Variants in CNTN4 observed in about 807,000 individuals in gnomAD.
CNTN4 encodes contactin 4.
In CNTN4, 77 loss-of-function variants were observed where a neutral mutation model predicts 122.5. The ratio of observed to expected loss-of-function variants is 0.63; its 90% confidence interval spans 0.52 to 0.76. The LOEUF (loss-of-function observed/expected upper bound fraction) is 0.76, where lower values mean the gene tolerates loss of function less well. Ranked by LOEUF, CNTN4 falls within the 30% of genes least tolerant of loss-of-function variation. The pLI is 0.00. For synonymous variants in CNTN4, 512 were observed against 447.0 expected (o/e 1.15, Z -1.83); for missense variants, 1,256 against 1,259.1 (o/e 1.00, Z 0.04).
rs552127640 is a variant in CNTN4 at position 2,805,996 on chromosome 3, G to T, written c.359-13490G>T. ...GGCTCACTGCAAGCTCCATCTCCCGGGTTCACGCCATTCTCCTGCCTCAGC... is the reference window on the plus strand; with the variant it reads ...GGCTCACTGCAAGCTCCATCTCCCGTGTTCACGCCATTCTCCTGCCTCAGC... On this transcript the variant is annotated intron_variant, in intron 6 of 24. Transcript: ENST00000418658. 3.5e-3 allele frequency among the ~76,000 whole-genome samples: 536 copies of T among 152,164 alleles called. 2 individuals carry two copies. Among genetic ancestry groups the T allele is most frequent in the African/African-American group, 0.012 (507 of 41,506 alleles).
At chr3:2,157,557 C>G (rs917836140) in intron 2 of CNTN4, among the ~76,000 whole-genome samples, 2 of 152,140 alleles carry the variant, frequency 1.3e-5, no homozygotes, top group African/African-American at 4.8e-5. Context: ...CAAAATCTCA[C>G]TTTACTGTTA....
rs116293464 is a variant in CNTN4 at position 2,645,078 on chromosome 3, C to T, written c.55+73520C>T. Among the ~76,000 whole-genome samples the T allele has an allele frequency of 8.3e-3, 1,260 of 152,000 alleles. 22 individuals carry two copies. Among genetic ancestry groups the T allele is most frequent in the African/African-American group, 0.029 (1,194 of 41,450 alleles). ...GATTGGAGAGCTACAGCCAAATTAACGAAGACTGGCACACCTTACCTATCT... is the reference window on the plus strand; with the variant it reads ...GATTGGAGAGCTACAGCCAAATTAATGAAGACTGGCACACCTTACCTATCT... On this transcript the variant is annotated intron_variant, in intron 4 of 24. Coordinates refer to ENST00000418658, the MANE Select transcript of CNTN4 (RefSeq NM_175607.3).
At chr3:2,298,553 T>G (rs1432615950) in intron 2 of CNTN4, among the ~76,000 whole-genome samples, 1 of 152,220 alleles carries the variant, frequency 6.6e-6, no homozygotes, top group Admixed American at 6.5e-5. Flanking sequence ...TCTCCGTCCA[T>G]ATATCTCTCC....
At chr3:2,320,036 G>T (rs1454010537) in intron 2 of CNTN4, among the ~76,000 whole-genome samples, 1 of 152,158 alleles carries the variant, frequency 6.6e-6, no homozygotes, top group Non-Finnish European at 1.5e-5. Context: ...CAATCTGTCA[G>T]AGTTGGAGAA....
chr3:3,050,078 C>G (rs547870859), intron 23 of CNTN4, among the ~76,000 whole-genome samples: 1 of 152,258 alleles, frequency 6.6e-6, no homozygotes, highest in South Asian at 2.1e-4. Context: ...CTAATTCCAT[C>G]TGTGAGGGTG....
chr3:2,171,423 G>A (rs1420487083), intron 2 of CNTN4, among the ~76,000 whole-genome samples: 1 of 152,110 alleles, frequency 6.6e-6, no homozygotes, highest in Admixed American at 6.5e-5. Context: ...AGAAAATAAT[G>A]TGAAACTAAT....
At chr3:2,855,116 G>A (rs368721998) in intron 7 of CNTN4, among the ~76,000 whole-genome samples, 1 of 152,114 alleles carries the variant, frequency 6.6e-6, no homozygotes, top group South Asian at 2.1e-4. Context: ...GTTGCTATGG[G>A]GTTAAATACT....
At chr3:2,205,746 A>G (rs1411970527) in intron 2 of CNTN4, among the ~76,000 whole-genome samples, 1 of 152,120 alleles carries the variant, frequency 6.6e-6, no homozygotes, top group Non-Finnish European at 1.5e-5. Flanking sequence ...CGAAGCTAGT[A>G]ATATTTGTTC....
At chr3:2,682,346 A>G (rs2085206678) in intron 4 of CNTN4, among the ~76,000 whole-genome samples, 1 of 152,172 alleles carries the variant, frequency 6.6e-6, no homozygotes, top group Non-Finnish European at 1.5e-5. Context: ...CTCGTTCACT[A>G]GGCTCTAGGT....
At chr3:2,105,229 G>A (rs4461405) in intron 2 of CNTN4, among the ~76,000 whole-genome samples, 34,593 of 152,028 alleles carry the variant, frequency 0.23, 4,077 homozygotes, top group East Asian at 0.44. Flanking sequence ...ACCTAGACCT[G>A]CTGAGGTCAC....
chr3:2,633,481 G>A (rs1448589687), intron 4 of CNTN4, among the ~76,000 whole-genome samples: 1 of 152,146 alleles, frequency 6.6e-6, no homozygotes, highest in Non-Finnish European at 1.5e-5. Context: ...TGGACTTTGG[G>A]TCCATAAACA....
chr3:2,235,864 A>T (rs1264423398), intron 2 of CNTN4, among the ~76,000 whole-genome samples: 1 of 152,158 alleles, frequency 6.6e-6, no homozygotes, highest in African/African-American at 2.4e-5. Context: ...CATTGTTCTA[A>T]GTGCTGGAAT....
intron 4 of CNTN4, among the ~76,000 whole-genome samples, chr3:2,608,661 T>C (rs2081355895): frequency 6.6e-6 from 1 of 152,140 alleles, no homozygotes; most frequent in South Asian, 2.1e-4. Flanking sequence ...TTTTCTCTTT[T>C]TAGTAGACAT....
chr3:2,196,444 G>A (rs759178221), intron 2 of CNTN4, among the ~76,000 whole-genome samples: 5 of 152,088 alleles, frequency 3.3e-5, no homozygotes, highest in Admixed American at 6.6e-5. Context: ...GACTCTTTGT[G>A]CATTTGTTCA....
At chr3:2,518,510 C>T (rs1184006772) in intron 3 of CNTN4, among the ~76,000 whole-genome samples, 1 of 152,048 alleles carries the variant, frequency 6.6e-6, no homozygotes, top group African/African-American at 2.4e-5. Flanking sequence ...TCTGACAGTT[C>T]TTCTAATATA....
intron 2 of CNTN4, among the ~76,000 whole-genome samples, chr3:2,181,541 G>A (rs959488131): frequency 6.6e-6 from 1 of 152,072 alleles, no homozygotes; most frequent in Admixed American, 6.6e-5. Context: ...TTGGAATGGG[G>A]CTCTGAGTCC....
chr3:2,419,632 A>C (rs1461187000), intron 3 of CNTN4, among the ~76,000 whole-genome samples: 1 of 152,196 alleles, frequency 6.6e-6, no homozygotes, highest in African/African-American at 2.4e-5. Context: ...CTAAAATGAA[A>C]TTTTCAACCA....
At chr3:2,757,386 T>TG (rs2090386434) in intron 6 of CNTN4, among the ~76,000 whole-genome samples, 1 of 152,220 alleles carries the variant, frequency 6.6e-6, no homozygotes, top group Admixed American at 6.5e-5. Flanking sequence ...TCCCGCTCTC[T>TG]GGACTTCTTC....
At chr3:2,761,759 C>A (rs1021743234) in intron 6 of CNTN4, among the ~76,000 whole-genome samples, 26 of 152,064 alleles carry the variant, frequency 1.7e-4, no homozygotes, top group Admixed American at 2.0e-4. Flanking sequence ...CTTCATTTTA[C>A]TCTAACCAGC....
Sources: allele counts gnomAD v4.1 joint callset (sites outside exome capture counted in the v4.1 genomes callset), GRCh38; gene constraint gnomAD v4.1.1; transcripts MANE v1.5; gene names NCBI Gene and HGNC (gene_info 2026-07-23, HGNC 2026-07-21).